The following PHF20 variants were observed in gnomAD, a reference collection of about 807,000 sequenced individuals.
PHF20 encodes PHD finger protein 20.
In PHF20, 23 loss-of-function variants were observed where a neutral mutation model predicts 113.5. The observed-to-expected ratio is 0.20, with a 90% CI of 0.15 to 0.29. PHF20 has a LOEUF of 0.29. Among genes scored for constraint, PHF20 ranks in the 10% least tolerant of loss-of-function variants. The probability of loss-of-function intolerance (pLI) is 1.00; values close to 1 mark genes in which losing one functional copy is unlikely to be tolerated. For missense variants in PHF20, 943 were observed against 1,219.6 expected, an observed-to-expected ratio of 0.77 and a Z score of 3.38; for synonymous variants, 434 against 457.3, an observed-to-expected ratio of 0.95 and a Z score of 0.65.
rs946407985 is a variant in PHF20 at position 35,886,200 on chromosome 20, G to A, written c.1283-13170G>A. On this transcript the variant is annotated intron_variant, in intron 9 of 17. Transcript: ENST00000374012. ...GTTGCCCAGGCTGGAGTGCACTGAT[G>A]AGATCTCAGCTCACTGCAACCTCCG... is the stretch of plus-strand genomic sequence containing the variant. 2.5e-4 allele frequency among the ~76,000 whole-genome samples: 37 copies of A among 147,232 alleles called. 1 individual carries two copies. The highest frequency in any genetic ancestry group is 6.0e-4 in the East Asian group (3 of 5,028).
intron 1 of PHF20, among the ~76,000 whole-genome samples, chr20:35,792,228 G>A (rs535864338): frequency 2.8e-4 from 42 of 151,912 alleles, no homozygotes; most frequent in African/African-American, 9.4e-4. Context: ...TTGCTCTGTC[G>A]CCAGGCTGGA....
At chr20:35,791,412 T>TTA (rs1019561073) in intron 1 of PHF20, among the ~76,000 whole-genome samples, 1 of 150,850 alleles carries the variant, frequency 6.6e-6, no homozygotes, top group African/African-American at 2.4e-5. Flanking sequence ...GATATAGTTT[T>TTA]TATATATATG....
chr20:35,938,857 C>T lies in PHF20; in HGVS notation c.2461C>T (p.Pro821Ser). 2 of 1,614,180 alleles carry T rather than the reference C, an allele frequency of 1.2e-6. No individual in the cohort carries two copies. Among genetic ancestry groups the T allele is most frequent in the Non-Finnish European group, 1.7e-6 (2 of 1,180,008 alleles). ...GAACGGGGCAGTGGAGAAGCCCAGG[C>T]CCCTGGCCCTGCCCCTGCCGCGTTC... The part of the protein sequence containing the change: ...TLNGAVEKPR[P>S]LALPLPRSVE... Residue 821 changes from proline to serine, a missense_variant, in exon 16 of 18, where the codon CCC (proline) becomes TCC (serine). Pro to Ser is a moderately conservative substitution (Grantham distance 74, BLOSUM62 -1). Transcript: ENST00000374012.
chr20:35,787,261 C>G (rs2041440281), intron 1 of PHF20, among the ~76,000 whole-genome samples: 1 of 151,926 alleles, frequency 6.6e-6, no homozygotes, highest in Non-Finnish European at 1.5e-5. Flanking sequence ...CTCACTGCAA[C>G]CTCTGCCTCC....
intron 1 of PHF20, chr20:35,774,808 G>C (rs1052780478): frequency 3.9e-5 from 6 of 152,174 alleles, no homozygotes; most frequent in Non-Finnish European, 5.9e-5. Flanking sequence ...GAGATTAATG[G>C]GGCCTATGGA....
At chr20:35,906,019 A>T (rs906810786) in intron 10 of PHF20, among the ~76,000 whole-genome samples, 3 of 152,190 alleles carry the variant, frequency 2.0e-5, no homozygotes, top group African/African-American at 7.2e-5. Flanking sequence ...GTTTCTTTCT[A>T]CTTAGGTGAG....
intron 1 of PHF20, among the ~76,000 whole-genome samples, chr20:35,780,736 C>T (rs1477782714): frequency 1.3e-5 from 2 of 149,944 alleles, no homozygotes; most frequent in Admixed American, 6.7e-5. Flanking sequence ...TTAGTAGAGA[C>T]GGGGTTTCAC....
chr20:35,793,995 CAAAAA>C (rs56189104), intron 1 of PHF20, among the ~76,000 whole-genome samples: 1 of 33,834 alleles, frequency 3.0e-5, no homozygotes, highest in Non-Finnish European at 5.5e-5. Context: ...GACTCTGTCT[CAAAAA>C]AAAAAAAAAA....
chr20:35,941,128 C>A (rs2055970951), intron 17 of PHF20, 81 bp downstream of exon 17: 3 of 1,181,720 alleles, frequency 2.5e-6, no homozygotes, highest in South Asian at 1.4e-5. Context: ...ACCCCCCAGT[C>A]TGAGTTTACA....
intron 4 of PHF20, among the ~76,000 whole-genome samples, chr20:35,848,402 G>C (rs146255715): frequency 8.0e-4 from 122 of 151,980 alleles, no homozygotes; most frequent in African/African-American, 2.7e-3. Context: ...CGAGTAGCTG[G>C]GATTACCAAC....
intron 1 of PHF20, among the ~76,000 whole-genome samples, chr20:35,797,714 C>T (rs373691098): frequency 1.4e-5 from 2 of 147,778 alleles, no homozygotes; most frequent in African/African-American, 2.5e-5. Context: ...TGCAGTGGCA[C>T]GATGTCAACT....
intron 2 of PHF20, among the ~76,000 whole-genome samples, chr20:35,841,479 G>T (rs1177077001): frequency 6.6e-6 from 1 of 151,770 alleles, no homozygotes; most frequent in South Asian, 2.1e-4. Context: ...TTTAATAACC[G>T]CGTAGTATAA....
At chr20:35,910,002 T>C (rs1466996904) in intron 10 of PHF20, among the ~76,000 whole-genome samples, 1 of 152,260 alleles carries the variant, frequency 6.6e-6, no homozygotes, top group East Asian at 1.9e-4. Flanking sequence ...GAGATATTTG[T>C]GGTTTCCTTG....
intron 9 of PHF20, among the ~76,000 whole-genome samples, chr20:35,894,552 C>A (rs1329854759): frequency 6.6e-6 from 1 of 152,236 alleles, no homozygotes; most frequent in Non-Finnish European, 1.5e-5. Flanking sequence ...CACTTCCCCT[C>A]TTCTGCTTAT....
At chr20:35,873,470 T>TTG (rs1555795795) in intron 9 of PHF20, among the ~76,000 whole-genome samples, 2 of 139,178 alleles carry the variant, frequency 1.4e-5, no homozygotes, top group African/African-American at 5.6e-5. Flanking sequence ...TTTTTTGTTT[T>TTG]TTTTTTTTTT....
intron 2 of PHF20, among the ~76,000 whole-genome samples, chr20:35,805,364 T>TTATTAC (rs1351712722): frequency 7.0e-6 from 1 of 142,668 alleles, no homozygotes; most frequent in East Asian, 2.0e-4. Context: ...TTTATTATTA[T>TTATTAC]TATTATTATT....
rs764611258 is a variant in PHF20 at position 35,940,906 on chromosome 20, C to G, written c.2755C>G (p.Pro919Ala). Residue 919 changes from proline (P) to alanine (A), a missense_variant, in exon 17 of 18, where the codon CCT becomes GCT. Pro to Ala is a conservative substitution (Grantham distance 27, BLOSUM62 -1). Transcript: ENST00000374012. ...CAAAAAGGCCCTACCAGAAGAAGCC[C>G]CTGCTCGGAAGCTGCTGGACAGAGG... ...VSKKALPEEAPARKLLDRGGE... is the reference protein window; with the variant it reads ...VSKKALPEEAAARKLLDRGGE... 6.2e-7 allele frequency: 1 copy of G among 1,614,078 alleles called. No homozygotes were observed. The highest frequency in any genetic ancestry group is 1.7e-5 in the Admixed American group (1 of 59,980).
intron 2 of PHF20, among the ~76,000 whole-genome samples, chr20:35,803,246 C>T (rs1478015981): frequency 2.8e-5 from 4 of 143,938 alleles, no homozygotes; most frequent in Admixed American, 1.4e-4. Context: ...AGCGAGACTC[C>T]GTCCCGGAAA....
chr20:35,785,824 A>G (rs1319434773), intron 1 of PHF20, among the ~76,000 whole-genome samples: 1 of 151,358 alleles, frequency 6.6e-6, no homozygotes, highest in Non-Finnish European at 1.5e-5. Flanking sequence ...GCACTTTGGG[A>G]GGCTGAGACC....
Sources: allele counts gnomAD v4.1 joint callset (sites outside exome capture counted in the v4.1 genomes callset), GRCh38; gene constraint gnomAD v4.1.1; transcripts MANE v1.5; gene names NCBI Gene and HGNC (gene_info 2026-07-23, HGNC 2026-07-21).